The following DENND6B variants were observed in gnomAD, a reference collection of about 807,000 sequenced individuals.
DENND6B encodes protein DENND6B.
In DENND6B, 73 loss-of-function variants were observed where a neutral mutation model predicts 85.1. That is an observed-to-expected ratio of 0.86 (90% confidence interval 0.71 to 1.04). The LOEUF (loss-of-function observed/expected upper bound fraction) is 1.04, where lower values mean the gene tolerates loss of function less well. Ranked by LOEUF, DENND6B falls within the 50% of genes least tolerant of loss-of-function variation. The pLI is 0.00. For missense variants in DENND6B, 715 were observed against 785.8 expected (o/e 0.91, Z 1.08); for synonymous variants, 357 against 329.3 (o/e 1.08, Z -0.91).
At chr22:50,326,688 C>T (rs975451391) in intron 1 of DENND6B, 124 bp downstream of exon 1, 1 of 880,002 alleles carries the variant, frequency 1.1e-6, no homozygotes, top group Non-Finnish European at 1.5e-6. Flanking sequence ...AGAGGCCCCT[C>T]CAGGAGGCGG....
chr22:50,323,281 CTTTTTTT>C (rs571677497), intron 1 of DENND6B, among the ~76,000 whole-genome samples: 1 of 126,108 alleles, frequency 7.9e-6, no homozygotes, highest in African/African-American at 3.0e-5. Flanking sequence ...ATGCCTGGCT[CTTTTTTT>C]TTTTTTTTTT....
rs751796880 is a variant in DENND6B at position 50,314,376 on chromosome 22, C to G, written c.1072+24G>C. ...TCAACGAGGCTTCTGAGCAGCACCC[C>G]CTGCACCTCACCGGGAGCCTGACCT... is the stretch of plus-strand genomic sequence containing the variant. On this transcript the variant is annotated intron_variant, in intron 12 of 19. Transcript: ENST00000413817. The G allele has an allele frequency of 3.2e-6, 5 of 1,566,018 alleles. No individual in the cohort carries two copies. In the Admixed American group the frequency reaches 5.7e-5, roughly 18 times the overall value.
chr22:50,316,591 C>A (rs1437822493), intron 5 of DENND6B, 116 bp from the exon 6 acceptor site: 1 of 1,541,994 alleles, frequency 6.5e-7, no homozygotes, highest in South Asian at 1.2e-5. Flanking sequence ...GGTAGCACGT[C>A]CCACCAACTT....
chr22:50,313,903 C>T (rs745977666), intron 13 of DENND6B, 25 bp from the exon 14 acceptor site: 9 of 1,594,086 alleles, frequency 5.6e-6, no homozygotes, highest in Admixed American at 3.4e-5. Flanking sequence ...CAGCTGGCGC[C>T]CCACCCTTCA....
At position 50,319,085 on chromosome 22, in the gene DENND6B, C is replaced by T. The variant is rs187453577; in HGVS notation, c.178-82G>A. 2,954 of 1,546,788 alleles carry T rather than the reference C, an allele frequency of 1.9e-3. 115 individuals carry two copies. In the Admixed American group the frequency reaches 0.054, roughly 28 times the overall value. ...TCGACAGCATCTGCTGGACTGTGAC[C>T]GTCCCAGCAGCTGCAGCATCTGTCT... On this transcript the variant is annotated intron_variant, in intron 1 of 19. Coordinates refer to ENST00000413817, the MANE Select transcript of DENND6B (RefSeq NM_001001794.4).
chr22:50,317,053 C>G (rs1480332635), intron 5 of DENND6B: 2 of 184,526 alleles, frequency 1.1e-5, no homozygotes, highest in African/African-American at 1.3e-4. Flanking sequence ...GGCGGGGGGC[C>G]GCGAGGACAG....
At chr22:50,319,122 G>A (rs373987549) in intron 1 of DENND6B, 119 bp from the exon 2 acceptor site, 2 of 1,539,560 alleles carry the variant, frequency 1.3e-6, no homozygotes, top group Non-Finnish European at 1.7e-6. Context: ...TGGGGCGCAG[G>A]TCAGTGCCCA....
chr22:50,326,308 G>A (rs574105364), intron 1 of DENND6B, among the ~76,000 whole-genome samples: 41 of 152,352 alleles, frequency 2.7e-4, no homozygotes, highest in Middle Eastern at 3.4e-3. Context: ...GCGCTGCAGG[G>A]TTTTAAGCAG....
At chr22:50,325,910 A>C (rs1469325847) in intron 1 of DENND6B, among the ~76,000 whole-genome samples, 2 of 152,212 alleles carry the variant, frequency 1.3e-5, no homozygotes, top group Non-Finnish European at 2.9e-5. Flanking sequence ...TCCCAACCAC[A>C]GAGACGCGCT....
intron 1 of DENND6B, among the ~76,000 whole-genome samples, chr22:50,321,112 A>G (rs1030492219): frequency 6.6e-6 from 1 of 152,042 alleles, no homozygotes; most frequent in Non-Finnish European, 1.5e-5. Flanking sequence ...GTCACCAGTC[A>G]CCCGGAGGAA....
In DENND6B at chr22:50,316,044, G is replaced by C. The variant is rs766471515; in HGVS notation, c.683C>G (p.Pro228Arg). 2.5e-6 allele frequency: 4 copies of C among 1,612,708 alleles called. 1 individual carries two copies. The South Asian group carries it at 4.4e-5, about 18-fold the overall frequency. ...SRVDKSESSP[P>R]KQFDQENLLP... ...TCCCACCTCTTGGTCAAACTGCTTCGGAGGACTGGACTCGGACTTGTCCAC... is the reference window on the plus strand; with the variant it reads ...TCCCACCTCTTGGTCAAACTGCTTCCGAGGACTGGACTCGGACTTGTCCAC... Residue 228 changes from proline (P) to arginine (R), a missense_variant, in exon 8 of 20, where the codon CCG becomes CGG. Coordinates refer to ENST00000413817, the MANE Select transcript of DENND6B (RefSeq NM_001001794.4).
chr22:50,313,357 A>C, intron 16 of DENND6B, 89 bp downstream of exon 16: 1 of 1,472,850 alleles, frequency 6.8e-7, no homozygotes, highest in African/African-American at 1.5e-5. Context: ...CTGCCCAGCC[A>C]CAGCCTCCTG....
At position 50,316,353 on chromosome 22, in the gene DENND6B, G is replaced by T; in HGVS notation, c.559+17C>A. Reference sequence around the variant, plus strand: ...GGGATGATGAGACCACGATGGCCACGACTGATGGCCACTCACCTGCTTCCA... The same window carrying T: ...GGGATGATGAGACCACGATGGCCACTACTGATGGCCACTCACCTGCTTCCA... On this transcript the variant is annotated intron_variant, in intron 6 of 19. Transcript: ENST00000413817. 6.4e-7 allele frequency: 1 copy of T among 1,567,176 alleles called. No individual in the cohort carries two copies.
At chr22:50,313,576 A>G in intron 15 of DENND6B, 59 bp downstream of exon 15, 1 of 103,136 alleles carries the variant, frequency 9.7e-6, no homozygotes, top group Non-Finnish European at 1.5e-5. Flanking sequence ...CGTCCCCCCC[A>G]ACCCCATCCC....
intron 1 of DENND6B, among the ~76,000 whole-genome samples, chr22:50,323,570 A>G (rs62241241): frequency 0.37 from 56,534 of 151,156 alleles, 10,669 homozygotes; most frequent in South Asian, 0.59. Flanking sequence ...ATAGGCATGA[A>G]ACACTGTGCC....
chr22:50,321,181 T>C (rs752946099), intron 1 of DENND6B, among the ~76,000 whole-genome samples: 5 of 151,970 alleles, frequency 3.3e-5, no homozygotes, highest in African/African-American at 1.2e-4. Context: ...TCCCAAGGTA[T>C]GGCCGGGCCA....
At position 50,311,938 on chromosome 22, in the gene DENND6B, G is replaced by A; in HGVS notation, c.*201C>T. The A allele has an allele frequency of 1.1e-6, 1 of 902,496 alleles. No homozygotes were observed. The highest frequency in any genetic ancestry group is 1.6e-6 in the Non-Finnish European group (1 of 616,932). The allele number at this position is 902,496 out of a possible 1,614,324, so 55.9% of individuals were successfully genotyped here. On this transcript the variant is annotated 3_prime_UTR_variant, in exon 20 of 20. Transcript: ENST00000413817. The stretch of plus-strand genomic sequence containing the variant: ...GGAGGAGGCAAGGCTCTGCCTGCGA[G>A]GAACCCCTATGGTCAAGGCCATGCT...
rs2068060523 is a variant in DENND6B, at chr22:50,311,550, C to CT, written c.*588dup. 6.5e-6 allele frequency: 1 copy of CT among 154,860 alleles called. No individual in the cohort carries two copies. The highest frequency in any genetic ancestry group is 1.4e-5 in the Non-Finnish European group (1 of 69,762). 9.6% of individuals were successfully genotyped at this position (154,860 alleles called of 1,614,324 possible). On this transcript the variant is annotated 3_prime_UTR_variant, in exon 20 of 20. Coordinates refer to ENST00000413817, the MANE Select transcript of DENND6B (RefSeq NM_001001794.4). The stretch of plus-strand genomic sequence containing the variant: ...GAGGTGCTGGGCTGCACACAGCCCC[C>CT]TGCCCAACCCCTACCTCCCAACAAA...
intron 17 of DENND6B, 49 bp downstream of exon 17, chr22:50,312,950 C>T: frequency 1.3e-6 from 2 of 1,505,146 alleles, no homozygotes; most frequent in Non-Finnish European, 1.8e-6. Context: ...TGGGGCTGAC[C>T]CTGTGGACCA....
Sources: allele counts gnomAD v4.1 joint callset (sites outside exome capture counted in the v4.1 genomes callset), GRCh38; gene constraint gnomAD v4.1.1; transcripts MANE v1.5; gene names NCBI Gene and HGNC (gene_info 2026-07-23, HGNC 2026-07-21).